The following PLXNA1 variants were observed in gnomAD, a reference collection of about 807,000 sequenced individuals.
The protein encoded by PLXNA1 is plexin A1.
A neutral mutation model predicts 191.7 loss-of-function variants in PLXNA1; 77 were observed. That is an observed-to-expected ratio of 0.40 (90% CI 0.33 to 0.49). The LOEUF (loss-of-function observed/expected upper bound fraction) is 0.49. PLXNA1 is among the 20% of genes least tolerant of loss of function. The pLI is 0.63. For missense variants in PLXNA1, 2,110 were observed against 2,660.2 expected (o/e 0.79, Z 4.55); for synonymous variants, 1,137 against 1,156.4 (o/e 0.98, Z 0.34).
chr3:126,998,860 A>G (rs1016069611), intron 3 of PLXNA1, among the ~76,000 whole-genome samples: 2 of 152,078 alleles, frequency 1.3e-5, no homozygotes, highest in Non-Finnish European at 2.9e-5. Flanking sequence ...TGGGATTCCT[A>G]GGACACTCTC....
At chr3:127,012,226 G>T (rs1576680714) in intron 10 of PLXNA1, 68 bp downstream of exon 10, 3 of 1,496,840 alleles carry the variant, frequency 2.0e-6, no homozygotes, top group Non-Finnish European at 2.7e-6. Context: ...ACGGCCCTGG[G>T]TCCTGGCGTG....
At chr3:127,021,727 C>G (rs370664669) in intron 21 of PLXNA1, among the ~76,000 whole-genome samples, 2 of 152,198 alleles carry the variant, frequency 1.3e-5, no homozygotes, top group Non-Finnish European at 2.9e-5. Flanking sequence ...GGCCCAGTCA[C>G]GGAGAGGGTG....
At chr3:127,025,257 T>C (rs2079171475) in intron 23 of PLXNA1, among the ~76,000 whole-genome samples, 1 of 152,230 alleles carries the variant, frequency 6.6e-6, no homozygotes, top group East Asian at 1.9e-4. Context: ...TTGGCACCCG[T>C]TGATCTCATT....
chr3:127,017,650 C>G lies in PLXNA1; in HGVS notation c.3502C>G (p.Pro1168Ala), dbSNP rs1192861158. ...TGLLELKPSS[P>A]LILKGRNLLP... ...CCTGCTGGAGCTGAAGCCCAGCTCC[C>G]CACTCATCCTCAAGGTGGGTCACCA... The change falls in exon 18 of 32, where the codon CCA becomes GCA. Residue 1168 changes from proline (P) to alanine (A), a missense_variant. Physicochemically the swap from Pro to Ala is conservative, Grantham distance 27. This residue lies in a region of PLXNA1 where 644 missense variants were observed against 714.3 expected (regional missense o/e 0.90). Transcript: ENST00000393409. 6.2e-7 allele frequency: 1 copy of G among 1,613,384 alleles called. No individual in the cohort carries two copies. Among genetic ancestry groups the G allele is most frequent in the Non-Finnish European group, 8.5e-7 (1 of 1,180,018 alleles).
At chr3:127,001,294 G>C (rs567780677) in intron 3 of PLXNA1, among the ~76,000 whole-genome samples, 1 of 152,206 alleles carries the variant, frequency 6.6e-6, no homozygotes, top group Non-Finnish European at 1.5e-5. Context: ...CTTGCAGGCC[G>C]GGCCAGGGTC....
At chr3:127,002,353 C>G (rs778938923) in intron 3 of PLXNA1, among the ~76,000 whole-genome samples, 17 of 152,256 alleles carry the variant, frequency 1.1e-4, no homozygotes, top group Non-Finnish European at 2.1e-4. Context: ...CCGACAGCCT[C>G]TTTGGCTCAG....
At chr3:127,018,041 C>T in intron 19 of PLXNA1, 149 bp downstream of exon 19, 1 of 1,172,238 alleles carries the variant, frequency 8.5e-7, no homozygotes, top group Non-Finnish European at 1.2e-6. Flanking sequence ...CTGCCGTAGC[C>T]TTCAGCCTGC....
At chr3:126,997,145 G>T (rs984342390) in intron 3 of PLXNA1, among the ~76,000 whole-genome samples, 1 of 152,260 alleles carries the variant, frequency 6.6e-6, no homozygotes. Flanking sequence ...CATGTTGCGT[G>T]TTTCAAGCAC....
chr3:127,032,636 G>A, intron 30 of PLXNA1, 37 bp downstream of exon 30: 11 of 1,608,522 alleles, frequency 6.8e-6, no homozygotes, highest in Admixed American at 3.3e-5. Flanking sequence ...GCAGGGGCCC[G>A]GGGGCAGCCT....
At position 127,029,511 on chromosome 3, in the gene PLXNA1, C is replaced by G. The variant is rs1320389567; in HGVS notation, c.4845C>G (p.Thr1615=). The G allele has an allele frequency of 6.2e-7, 1 of 1,613,838 alleles. No individual in the cohort carries two copies. The highest frequency in any genetic ancestry group is 8.5e-7 in the Non-Finnish European group (1 of 1,179,970). Reference sequence around the variant, plus strand: ...CCTACAACATCTCCAACTCCTCCACCTTCACCAAGTCCCTCAGCAGATACG... The same window carrying G: ...CCTACAACATCTCCAACTCCTCCACGTTCACCAAGTCCCTCAGCAGATACG... ...TSAYNISNSS[T]FTKSLSRYES... The change falls in exon 27 of 32, where the codon ACC becomes ACG. Residue 1615 remains threonine (T), a synonymous_variant. Coordinates refer to ENST00000393409, the MANE Select transcript of PLXNA1 (RefSeq NM_032242.4).
intron 4 of PLXNA1, 31 bp from the exon 5 acceptor site, chr3:127,004,580 C>T (rs2079056194): frequency 6.0e-6 from 9 of 1,495,206 alleles, no homozygotes; most frequent in Non-Finnish European, 7.3e-6. Context: ...TGGGGTGGTA[C>T]TGGAGGGGCC....
intron 15 of PLXNA1, among the ~76,000 whole-genome samples, chr3:127,015,736 C>T (rs569654581): frequency 1.1e-4 from 17 of 152,258 alleles, no homozygotes; most frequent in African/African-American, 4.1e-4. Context: ...GGTAATTACC[C>T]GTTATCAGAC....
At chr3:126,993,191 T>C (rs755822105) in intron 3 of PLXNA1, among the ~76,000 whole-genome samples, 6 of 152,142 alleles carry the variant, frequency 3.9e-5, no homozygotes, top group Non-Finnish European at 7.3e-5. Flanking sequence ...CTCACCCCAG[T>C]CCCACAGAGG....
chr3:126,986,478 A>G (rs1440704818), intron 1 of PLXNA1, among the ~76,000 whole-genome samples: 2 of 152,088 alleles, frequency 1.3e-5, no homozygotes, highest in Non-Finnish European at 2.9e-5. Flanking sequence ...CTGGGCAGGG[A>G]GTGTGTGGGG....
intron 9 of PLXNA1, among the ~76,000 whole-genome samples, chr3:127,011,349 C>T (rs1264474149): frequency 6.6e-6 from 1 of 152,182 alleles, no homozygotes; most frequent in East Asian, 1.9e-4. Flanking sequence ...CAGGCCCCCT[C>T]TTGGGTCCTG....
At chr3:127,000,627 G>A (rs1258664806) in intron 3 of PLXNA1, among the ~76,000 whole-genome samples, 2 of 152,222 alleles carry the variant, frequency 1.3e-5, no homozygotes, top group East Asian at 3.9e-4. Context: ...CCTCTGGCAG[G>A]TGCTGTGTGA....
Position 126,988,877 on chromosome 3 carries a change from G to A in PLXNA1, c.284G>A (p.Cys95Tyr). 1 of 1,613,336 alleles carries A rather than the reference G, an allele frequency of 6.2e-7. No homozygotes were observed. The highest frequency in any genetic ancestry group is 8.5e-7 in the Non-Finnish European group (1 of 1,180,008). Residue 95 changes from cysteine to tyrosine, a missense_variant, in exon 2 of 32, where the codon TGC (cysteine) becomes TAC (tyrosine). Physicochemically the swap from Cys to Tyr is radical, Grantham distance 194. Around this residue, in one of 4 missense-constraint regions of PLXNA1, gnomAD observed 903 missense variants for 1,015.7 expected, o/e 0.89. Transcript: ENST00000393409. ...GGCCCTGTGGAGGACAACGAGAAGT[G>A]CTACCCGCCGCCCAGCGTGCAGTCC... is the stretch of plus-strand genomic sequence containing the variant. The part of the protein sequence containing the change: ...VTGPVEDNEK[C>Y]YPPPSVQSCP...
rs370823812 is a variant in PLXNA1 at position 126,988,717 on chromosome 3, C to T, written c.124C>T (p.Arg42Cys). 3.5e-5 allele frequency: 55 copies of T among 1,576,832 alleles called. No individual in the cohort carries two copies. The highest frequency in any genetic ancestry group is 4.3e-5 in the Non-Finnish European group (50 of 1,158,758). ...RAGGGSQPPF[R>C]TFSASDWGLT... ...AGGCGGGGGTTCACAGCCCCCCTTC[C>T]GCACCTTCTCGGCCAGCGACTGGGG... Residue 42 changes from arginine to cysteine, a missense_variant, in exon 2 of 32, where the codon CGC becomes TGC. Physicochemically the swap from Arg to Cys is radical, Grantham distance 180. Transcript: ENST00000393409.
chr3:127,015,746 C>T (rs952120174), intron 15 of PLXNA1, among the ~76,000 whole-genome samples: 4 of 152,122 alleles, frequency 2.6e-5, no homozygotes, highest in Admixed American at 2.0e-4. Flanking sequence ...CGTTATCAGA[C>T]TAATCATTGG....
Sources: allele counts gnomAD v4.1 joint callset (sites outside exome capture counted in the v4.1 genomes callset), GRCh38; gene constraint gnomAD v4.1.1; regional missense constraint gnomAD v4.1.1; transcripts MANE v1.5; gene names NCBI Gene and HGNC (gene_info 2026-07-23, HGNC 2026-07-21).